KSR1: variants seen among roughly 807,000 people sequenced by gnomAD.
The protein encoded by KSR1 is kinase suppressor of ras 1.
KSR1 carries 35 observed loss-of-function variants against 92.9 expected under a neutral mutation model. The observed-to-expected ratio is 0.38, with a 90% CI of 0.29 to 0.50. The LOEUF (loss-of-function observed/expected upper bound fraction) is 0.50. Among genes scored for constraint, KSR1 ranks in the 20% least tolerant of loss-of-function variants. The pLI is 0.94. For missense variants in KSR1, 972 were observed against 1,158.5 expected, an observed-to-expected ratio of 0.84 and a Z score of 2.34; for synonymous variants, 467 against 472.6, an observed-to-expected ratio of 0.99 and a Z score of 0.15.
At chr17:27,556,801 C>T (rs2071612474) in intron 2 of KSR1, among the ~76,000 whole-genome samples, 1 of 152,244 alleles carries the variant, frequency 6.6e-6, no homozygotes, top group Non-Finnish European at 1.5e-5. Flanking sequence ...TCAGGAATCC[C>T]TCTAGGGTGC....
At chr17:27,608,631 G>A (rs2073830209) in intron 15 of KSR1, among the ~76,000 whole-genome samples, 2 of 152,228 alleles carry the variant, frequency 1.3e-5, no homozygotes, top group Non-Finnish European at 2.9e-5. Flanking sequence ...AGGCCACAGA[G>A]TGAGTGAGAA....
At chr17:27,570,087 G>A (rs1159169440) in intron 2 of KSR1, among the ~76,000 whole-genome samples, 1 of 152,210 alleles carries the variant, frequency 6.6e-6, no homozygotes, top group Non-Finnish European at 1.5e-5. Context: ...AACATGGAGA[G>A]ACCTCCTTGG....
chr17:27,494,531 G>A (rs1277234591), intron 1 of KSR1, among the ~76,000 whole-genome samples: 1 of 152,126 alleles, frequency 6.6e-6, no homozygotes, highest in Non-Finnish European at 1.5e-5. Flanking sequence ...ATGGACCCAG[G>A]GTGTCAGCCC....
At chr17:27,502,896 G>A (rs76188347) in intron 1 of KSR1, among the ~76,000 whole-genome samples, 1,993 of 152,290 alleles carry the variant, frequency 0.013, 21 homozygotes, top group Non-Finnish European at 0.023. Context: ...ACTTCTCACG[G>A]ACAGTAATGC....
At chr17:27,527,404 C>G (rs1184348949) in intron 1 of KSR1, among the ~76,000 whole-genome samples, 12 of 114,252 alleles carry the variant, frequency 1.1e-4, no homozygotes, top group Admixed American at 7.1e-4. Context: ...CCCCCCCCCC[C>G]CTTTTTTTTC....
chr17:27,580,444 G>A (rs1258460967), intron 3 of KSR1, among the ~76,000 whole-genome samples: 2 of 152,142 alleles, frequency 1.3e-5, no homozygotes, highest in African/African-American at 2.4e-5. Context: ...GAATTGGGAA[G>A]GCTAATTCAT....
chr17:27,461,346 G>A (rs1302202106), intron 1 of KSR1, among the ~76,000 whole-genome samples: 3 of 152,194 alleles, frequency 2.0e-5, no homozygotes, highest in Non-Finnish European at 4.4e-5. Context: ...CTCCCAAAGT[G>A]CTGGGATTAC....
intron 3 of KSR1, chr17:27,578,766 G>T (rs1221698275): frequency 6.6e-6 from 1 of 152,250 alleles, no homozygotes; most frequent in Non-Finnish European, 1.5e-5. Flanking sequence ...ACCTATTTGT[G>T]TCATGCAGGC....
intron 9 of KSR1, among the ~76,000 whole-genome samples, chr17:27,595,337 G>C (rs1332002216): frequency 6.6e-6 from 1 of 152,208 alleles, no homozygotes; most frequent in Non-Finnish European, 1.5e-5. Context: ...TAGCAGGTCT[G>C]CAAAAGAATG....
At chr17:27,594,016 A>G (rs561596647) in intron 9 of KSR1, among the ~76,000 whole-genome samples, 1 of 152,220 alleles carries the variant, frequency 6.6e-6, no homozygotes, top group African/African-American at 2.4e-5. Flanking sequence ...TCCAGCTCCC[A>G]GTACCACCTC....
At chr17:27,485,966 A>G (rs956158921) in intron 1 of KSR1, among the ~76,000 whole-genome samples, 11 of 152,186 alleles carry the variant, frequency 7.2e-5, no homozygotes, top group African/African-American at 2.7e-4. Flanking sequence ...GTGTTCTCCA[A>G]ACGTTAGTTC....
At chr17:27,603,305 T>TCCA (rs1331552568) in intron 11 of KSR1, among the ~76,000 whole-genome samples, 2 of 152,346 alleles carry the variant, frequency 1.3e-5, no homozygotes, top group African/African-American at 4.8e-5. Context: ...GCTCGGGGCC[T>TCCA]CTGTGCTGGA....
At chr17:27,594,124 T>A (rs116214887) in intron 9 of KSR1, among the ~76,000 whole-genome samples, 24 of 152,248 alleles carry the variant, frequency 1.6e-4, no homozygotes, top group African/African-American at 5.5e-4. Context: ...AACTCCTCTC[T>A]TGCTTCCATG....
intron 1 of KSR1, among the ~76,000 whole-genome samples, chr17:27,496,089 C>T (rs1236263965): frequency 6.6e-6 from 1 of 152,214 alleles, no homozygotes; most frequent in Non-Finnish European, 1.5e-5. Context: ...GGCCAGTGGT[C>T]AGGCCCAGCA....
At chr17:27,602,216 G>A (rs1316281542) in intron 11 of KSR1, among the ~76,000 whole-genome samples, 1 of 152,174 alleles carries the variant, frequency 6.6e-6, no homozygotes, top group Non-Finnish European at 1.5e-5. Flanking sequence ...GGTTGACTTG[G>A]AGCATCTGTG....
intron 2 of KSR1, chr17:27,566,491 T>G (rs1354428833): frequency 2.5e-5 from 10 of 398,980 alleles, no homozygotes; most frequent in Non-Finnish European, 4.4e-5. Context: ...ACAGCCAAGG[T>G]GTCCAGGGGC....
At chr17:27,558,985 C>T (rs1014845461) in intron 2 of KSR1, among the ~76,000 whole-genome samples, 2 of 152,130 alleles carry the variant, frequency 1.3e-5, no homozygotes, top group Admixed American at 1.3e-4. Context: ...TGTGTGCAGC[C>T]GTCTGTGTGT....
intron 1 of KSR1, among the ~76,000 whole-genome samples, chr17:27,457,077 T>A (rs1311664761): frequency 2.6e-5 from 4 of 151,866 alleles, no homozygotes; most frequent in Admixed American, 6.6e-5. Context: ...GGCGGGTGCG[T>A]CGTGGGAACT....
chr17:27,555,010 AC>A (rs1253329154), intron 2 of KSR1, among the ~76,000 whole-genome samples: 3 of 152,220 alleles, frequency 2.0e-5, no homozygotes, highest in Non-Finnish European at 4.4e-5. Context: ...ATTACAATGA[AC>A]GCAACTCCAG....
Sources: allele counts gnomAD v4.1 joint callset (sites outside exome capture counted in the v4.1 genomes callset), GRCh38; gene constraint gnomAD v4.1.1; transcripts MANE v1.5; gene names NCBI Gene and HGNC (gene_info 2026-07-23, HGNC 2026-07-21).